Variants in SNTG2 observed in about 807,000 individuals in gnomAD.
The protein encoded by SNTG2 is gamma-2-syntrophin.
In SNTG2, 74 loss-of-function variants were observed where a neutral mutation model predicts 70.9. The observed-to-expected ratio is 1.04, with a 90% CI of 0.86 to 1.27. SNTG2 has a LOEUF of 1.27. Among genes scored for constraint, SNTG2 ranks in the 50% most tolerant of loss-of-function variants. SNTG2 has a pLI of 0.00. For synonymous variants in SNTG2, 278 were observed against 273.8 expected (o/e 1.02, Z -0.15); for missense variants, 717 against 690.7 (o/e 1.04, Z -0.43).
intron 6 of SNTG2, among the ~76,000 whole-genome samples, chr2:1,162,924 G>T (rs573894808): frequency 1.3e-5 from 2 of 152,164 alleles, no homozygotes; most frequent in Non-Finnish European, 2.9e-5. Flanking sequence ...AGAGACAGGC[G>T]TCTCACAAGG....
At chr2:1,201,766 G>T (rs1673291153) in intron 8 of SNTG2, among the ~76,000 whole-genome samples, 2 of 151,836 alleles carry the variant, frequency 1.3e-5, no homozygotes, top group African/African-American at 2.4e-5. Context: ...ATAAAAATGG[G>T]CAAAACAAAT....
At chr2:1,093,723 A>G (rs1665185175) in intron 2 of SNTG2, among the ~76,000 whole-genome samples, 1 of 152,212 alleles carries the variant, frequency 6.6e-6, no homozygotes, top group South Asian at 2.1e-4. Context: ...GTTAAACCTG[A>G]TGGTCTGTAA....
At position 1,088,378 on chromosome 2, in the gene SNTG2, C is replaced by T. The variant is rs145645900; in HGVS notation, c.210+4723C>T. On this transcript the variant is annotated intron_variant, in intron 2 of 16. Coordinates refer to ENST00000308624, the MANE Select transcript of SNTG2 (RefSeq NM_018968.4). ...AGTCAGCTCTGATGCCTGTGTGTGT[C>T]GCCTAACCTGTCTTTCTTGGTTGGG... Among the ~76,000 whole-genome samples the T allele has an allele frequency of 1.8e-3, 269 of 152,242 alleles. 1 individual carries two copies. Among genetic ancestry groups the T allele is most frequent in the Middle Eastern group, 0.014 (4 of 292 alleles).
chr2:1,351,467 G>A (rs988067637), intron 16 of SNTG2, among the ~76,000 whole-genome samples: 5 of 152,134 alleles, frequency 3.3e-5, no homozygotes, highest in African/African-American at 7.2e-5. Flanking sequence ...GGTAAATCAC[G>A]GAGTAACCTG....
At chr2:1,211,797 A>AT (rs1674064581) in intron 9 of SNTG2, among the ~76,000 whole-genome samples, 2 of 152,304 alleles carry the variant, frequency 1.3e-5, no homozygotes, top group South Asian at 4.1e-4. Flanking sequence ...GGGAGCTACA[A>AT]TTCAAGATGA....
At chr2:1,187,129 A>G (rs1672298472) in intron 8 of SNTG2, among the ~76,000 whole-genome samples, 1 of 152,204 alleles carries the variant, frequency 6.6e-6, no homozygotes, top group South Asian at 2.1e-4. Context: ...TGAATACATA[A>G]TTAATGATAA....
chr2:1,106,488 A>T (rs371344111), intron 4 of SNTG2, among the ~76,000 whole-genome samples: 1 of 103,758 alleles, frequency 9.6e-6, no homozygotes, highest in Non-Finnish European at 1.9e-5. Flanking sequence ...GTAAGAGTGG[A>T]CACGTGCTGT....
intron 1 of SNTG2, among the ~76,000 whole-genome samples, chr2:980,497 T>G (rs1419832678): frequency 1.3e-5 from 2 of 152,222 alleles, no homozygotes; most frequent in Non-Finnish European, 2.9e-5. Context: ...AACATTCACG[T>G]TTTCATCTTG....
intron 1 of SNTG2, among the ~76,000 whole-genome samples, chr2:1,016,106 TATGTTAC>T (rs1476543814): frequency 6.6e-6 from 1 of 152,154 alleles, no homozygotes; most frequent in Non-Finnish European, 1.5e-5. Flanking sequence ...CATATCTAAA[TATGTTAC>T]AGCTTTGAGA....
chr2:1,195,644 T>G (rs1672862855), intron 8 of SNTG2, among the ~76,000 whole-genome samples: 1 of 152,214 alleles, frequency 6.6e-6, no homozygotes, highest in Non-Finnish European at 1.5e-5. Flanking sequence ...ATGAATAGAT[T>G]GCAAAAATTT....
chr2:1,012,613 A>T (rs4971357), intron 1 of SNTG2, among the ~76,000 whole-genome samples: 1 of 82,430 alleles, frequency 1.2e-5, no homozygotes, highest in Non-Finnish European at 2.7e-5. Flanking sequence ...GTGGTCTGGA[A>T]AGGGATTTAT....
chr2:1,296,036 T>C (rs1413885246), intron 14 of SNTG2, among the ~76,000 whole-genome samples: 1 of 151,708 alleles, frequency 6.6e-6, no homozygotes, highest in Non-Finnish European at 1.5e-5. Context: ...TGTAGAAGGC[T>C]GAGTCTCCCG....
intron 2 of SNTG2, 111 bp from the exon 3 acceptor site, chr2:1,098,085 G>A (rs1387562428): frequency 3.4e-5 from 42 of 1,222,636 alleles, no homozygotes; most frequent in Non-Finnish European, 4.9e-5. Flanking sequence ...AAGTTGCTTT[G>A]GAAATATAAT....
At chr2:962,118 G>T (rs1347049618) in intron 1 of SNTG2, among the ~76,000 whole-genome samples, 5 of 152,194 alleles carry the variant, frequency 3.3e-5, no homozygotes, top group Admixed American at 3.3e-4. Flanking sequence ...TGGCTGGAGT[G>T]CAGTGGCATG....
chr2:1,306,525 A>C (rs1190634039), intron 14 of SNTG2, among the ~76,000 whole-genome samples: 1 of 152,236 alleles, frequency 6.6e-6, no homozygotes, highest in Non-Finnish European at 1.5e-5. Context: ...ATGCAGCCAC[A>C]GGGCCGAGCA....
At chr2:1,138,367 C>T (rs888240024) in intron 6 of SNTG2, among the ~76,000 whole-genome samples, 2 of 152,172 alleles carry the variant, frequency 1.3e-5, no homozygotes, top group Non-Finnish European at 2.9e-5. Flanking sequence ...TCCAATGTCA[C>T]GTCAGGTTAG....
At chr2:959,258 G>T (rs187470562) in intron 1 of SNTG2, among the ~76,000 whole-genome samples, 1 of 152,094 alleles carries the variant, frequency 6.6e-6, no homozygotes, top group Non-Finnish European at 1.5e-5. Context: ...TGTGAATTAC[G>T]TGCTTTGTAA....
chr2:1,190,752 A>G (rs1282034934), intron 8 of SNTG2, among the ~76,000 whole-genome samples: 8 of 152,102 alleles, frequency 5.3e-5, no homozygotes, highest in Admixed American at 3.9e-4. Flanking sequence ...AAACTCATCA[A>G]TTGTAAGAGA....
chr2:1,247,942 G>T (rs1045921389), intron 12 of SNTG2, among the ~76,000 whole-genome samples: 1 of 151,918 alleles, frequency 6.6e-6, no homozygotes, highest in Admixed American at 6.6e-5. Context: ...ATTTTCCAGT[G>T]CCCACCGGTA....
Sources: gnomAD v4.1 joint callset for allele counts (sites outside exome capture counted in the v4.1 genomes callset) on GRCh38, gnomAD v4.1.1 for gene constraint, MANE v1.5 for transcripts, NCBI Gene and HGNC (gene_info 2026-07-23, HGNC 2026-07-21) for gene names.